The following OSTC variants were observed in gnomAD, a reference collection of about 807,000 sequenced individuals.
The protein encoded by OSTC is oligosaccharyltransferase complex subunit OSTC.
Under a neutral mutation model 16.4 loss-of-function variants are expected in OSTC, and 16 were observed. The ratio of observed to expected loss-of-function variants is 0.98; its 90% CI spans 0.66 to 1.49. The LOEUF (loss-of-function observed/expected upper bound fraction) is 1.49, where lower values mean the gene tolerates loss of function less well. Among genes scored for constraint, OSTC ranks in the 40% most tolerant of loss-of-function variants. The pLI is 0.00. For synonymous variants in OSTC, 67 were observed against 68.5 expected (o/e 0.98, Z 0.11); for missense variants, 139 against 186.3 (o/e 0.75, Z 1.48).
chr4:108,654,286 A>G (rs1726639421), intron 1 of OSTC, among the ~76,000 whole-genome samples: 1 of 152,238 alleles, frequency 6.6e-6, no homozygotes, highest in Non-Finnish European at 1.5e-5. Context: ...AAGTTTGCCT[A>G]AGTCTTCCAG....
intron 3 of OSTC, among the ~76,000 whole-genome samples, chr4:108,662,503 A>C (rs562023803): frequency 3.3e-5 from 5 of 152,322 alleles, no homozygotes; most frequent in Middle Eastern, 3.4e-3. Flanking sequence ...CATTTCTGTT[A>C]TGCATAGTAC....
chr4:108,655,772 T>A (rs965525004), intron 2 of OSTC, 115 bp downstream of exon 2: 4 of 679,358 alleles, frequency 5.9e-6, no homozygotes, highest in African/African-American at 3.7e-5. Context: ...AGACAACAGC[T>A]GTTTTAAAAT....
At chr4:108,663,840 T>G (rs1578342914) in intron 3 of OSTC, among the ~76,000 whole-genome samples, 1 of 152,226 alleles carries the variant, frequency 6.6e-6, no homozygotes, top group Admixed American at 6.5e-5. Flanking sequence ...AAGAATGGCC[T>G]TAAAGATTAA....
intron 3 of OSTC, among the ~76,000 whole-genome samples, chr4:108,659,489 G>A (rs1242681107): frequency 6.6e-6 from 1 of 152,080 alleles, no homozygotes; most frequent in African/African-American, 2.4e-5. Flanking sequence ...AGAATAAAGA[G>A]GTTACTGAAA....
chr4:108,667,297 G>A lies in OSTC; in HGVS notation c.*32G>A. Reference sequence around the variant, plus strand: ...TTTGAGAAGAAATCAGTGGATACTGGATTTGCTCCTGTCAATGAAGTTTTA... The same window carrying A: ...TTTGAGAAGAAATCAGTGGATACTGAATTTGCTCCTGTCAATGAAGTTTTA... On this transcript the variant is annotated 3_prime_UTR_variant, in exon 4 of 4. Coordinates refer to ENST00000361564, the MANE Select transcript of OSTC (RefSeq NM_021227.4). 1.3e-6 allele frequency: 2 copies of A among 1,594,270 alleles called. No individual in the cohort carries two copies. Among genetic ancestry groups the A allele is most frequent in the Non-Finnish European group, 1.7e-6 (2 of 1,166,096 alleles).
At chr4:108,659,381 C>T (rs1316092117) in intron 3 of OSTC, among the ~76,000 whole-genome samples, 1 of 151,900 alleles carries the variant, frequency 6.6e-6, no homozygotes, top group Non-Finnish European at 1.5e-5. Context: ...TTTTTCTGCT[C>T]CTAGTGGAAG....
intron 1 of OSTC, chr4:108,651,424 C>T (rs888768945): frequency 6.6e-6 from 1 of 152,370 alleles, no homozygotes; most frequent in African/African-American, 2.4e-5. Context: ...TACTGTATTT[C>T]AGTGGGCAGA....
intron 2 of OSTC, 38 bp from the exon 3 acceptor site, chr4:108,657,412 A>G: frequency 6.5e-7 from 1 of 1,534,634 alleles, no homozygotes; most frequent in Non-Finnish European, 8.9e-7. Context: ...AAACATTTCT[A>G]TTTGTTATCT....
At chr4:108,653,652 GT>G (rs944813401) in intron 1 of OSTC, among the ~76,000 whole-genome samples, 1 of 152,140 alleles carries the variant, frequency 6.6e-6, no homozygotes, top group African/African-American at 2.4e-5. Context: ...AGAAAACAAA[GT>G]TTTTGGTGGA....
At chr4:108,664,553 TTTAAA>T (rs755723223) in intron 3 of OSTC, among the ~76,000 whole-genome samples, 1 of 151,908 alleles carries the variant, frequency 6.6e-6, no homozygotes, top group Non-Finnish European at 1.5e-5. Flanking sequence ...ATGTGAGGTC[TTTAAA>T]TTCAATGTAT....
Position 108,667,771 on chromosome 4 carries a change from G to A in OSTC, c.*506G>A, listed in dbSNP as rs1727047171. 1 of 152,684 alleles carries A rather than the reference G, an allele frequency of 6.5e-6. No homozygotes were observed. The highest frequency in any genetic ancestry group is 2.4e-5 in the African/African-American group (1 of 41,400). The allele number at this position is 152,684 out of a possible 1,614,324, so 9.5% of individuals were successfully genotyped here. On this transcript the variant is annotated 3_prime_UTR_variant, in exon 4 of 4. Coordinates refer to ENST00000361564, the MANE Select transcript of OSTC (RefSeq NM_021227.4). ...AGATATGTATGTAAAACTGTTTCCTGAACAATAAGATGTATGAACGGAGCA... is the reference window on the plus strand; with the variant it reads ...AGATATGTATGTAAAACTGTTTCCTAAACAATAAGATGTATGAACGGAGCA...
At chr4:108,660,479 C>T (rs1039681951) in intron 3 of OSTC, among the ~76,000 whole-genome samples, 2 of 152,084 alleles carry the variant, frequency 1.3e-5, no homozygotes, top group African/African-American at 4.8e-5. Context: ...GGACTGTTGG[C>T]CTGTATTACA....
intron 1 of OSTC, among the ~76,000 whole-genome samples, chr4:108,654,705 A>G (rs931116247): frequency 6.6e-6 from 1 of 152,232 alleles, no homozygotes; most frequent in African/African-American, 2.4e-5. Flanking sequence ...GTAGATGTTG[A>G]CAGTGGGAGA....
At chr4:108,659,933 T>G (rs553188235) in intron 3 of OSTC, among the ~76,000 whole-genome samples, 60 of 152,300 alleles carry the variant, frequency 3.9e-4, no homozygotes, top group African/African-American at 1.3e-3. Context: ...TTCTTTATAG[T>G]TTTACGTCCT....
chr4:108,652,448 T>C (rs1345849976), intron 1 of OSTC, among the ~76,000 whole-genome samples: 6 of 152,102 alleles, frequency 3.9e-5, no homozygotes, highest in South Asian at 4.1e-4. Context: ...GTCCCAACCA[T>C]TGGGGGAAAG....
chr4:108,652,835 C>T lies in OSTC; in HGVS notation c.139+2041C>T, dbSNP rs1422286613. ...GTTGGATCATTTGAGCCCAGGAGTT[C>T]GAGGCCAGCCTGGGCAACATGGCGA... On this transcript the variant is annotated intron_variant, in intron 1 of 3. Coordinates refer to ENST00000361564, the MANE Select transcript of OSTC (RefSeq NM_021227.4). 4.6e-5 allele frequency among the ~76,000 whole-genome samples: 7 copies of T among 152,222 alleles called. No homozygotes were observed. In the South Asian group the frequency reaches 1.0e-3, roughly 23 times the overall value.
intron 1 of OSTC, among the ~76,000 whole-genome samples, chr4:108,652,514 G>A (rs930810642): frequency 1.3e-5 from 2 of 152,024 alleles, no homozygotes; most frequent in South Asian, 2.1e-4. Flanking sequence ...TGATGAATTG[G>A]TTTTGCCACT....
chr4:108,663,426 A>G, intron 3 of OSTC: 1 of 318,452 alleles, frequency 3.1e-6, no homozygotes, highest in South Asian at 2.3e-5. Context: ...TTAGCCAGTG[A>G]TCTCCTAACC....
intron 1 of OSTC, among the ~76,000 whole-genome samples, chr4:108,654,140 T>C (rs1330938401): frequency 6.6e-6 from 1 of 152,208 alleles, no homozygotes; most frequent in Non-Finnish European, 1.5e-5. Flanking sequence ...TCCCCTAAGA[T>C]GAGAACTGAA....
Sources: allele counts gnomAD v4.1 joint callset (sites outside exome capture counted in the v4.1 genomes callset), GRCh38; gene constraint gnomAD v4.1.1; transcripts MANE v1.5; gene names NCBI Gene and HGNC (gene_info 2026-07-23, HGNC 2026-07-21).